DOCK6: variants seen among roughly 807,000 people sequenced by gnomAD.
DOCK6 encodes dedicator of cytokinesis protein 6.
A neutral mutation model predicts 230.3 loss-of-function variants in DOCK6; 167 were observed. The ratio of observed to expected loss-of-function variants is 0.73; its 90% confidence interval spans 0.64 to 0.82. DOCK6 has a LOEUF of 0.82. Ranked by LOEUF, DOCK6 falls within the 40% of genes least tolerant of loss-of-function variation. The probability of loss-of-function intolerance (pLI) is 0.00; values close to 1 mark genes in which losing one functional copy is unlikely to be tolerated. For missense variants in DOCK6, 2,598 were observed against 2,825.8 expected (o/e 0.92, Z 1.83); for synonymous variants, 1,148 against 1,185.0 (o/e 0.97, Z 0.64).
At position 11,233,314 on chromosome 19, in the gene DOCK6, G is replaced by A. The variant is rs2147818464; in HGVS notation, c.2607C>T (p.Arg869=). ...AACGCGCCAGGTAGAGGCTTGCGGG[G>A]CGACCAGAGCCACGGGCCAGTGTGG... is the stretch of plus-strand genomic sequence containing the variant. ...QAATLARGSG[R]PASLYLARSK... is the part of the protein sequence containing the mutation. The change falls in exon 22 of 48, where the codon CGC becomes CGT. Residue 869 remains arginine, a synonymous_variant. Coordinates refer to ENST00000294618, the MANE Select transcript of DOCK6 (RefSeq NM_020812.4). 1 of 1,613,850 alleles carries A rather than the reference G, an allele frequency of 6.2e-7. No individual in the cohort carries two copies. Among genetic ancestry groups the A allele is most frequent in the East Asian group, 2.2e-5 (1 of 44,878 alleles).
rs759468387 is a variant in DOCK6, at chr19:11,216,901, C to G, written c.3894+13G>C. 5 of 1,613,344 alleles carry G rather than the reference C, an allele frequency of 3.1e-6. No individual in the cohort carries two copies. In the East Asian group the frequency reaches 6.7e-5, roughly 22 times the overall value. On this transcript the variant is annotated intron_variant, in intron 30 of 47. Transcript: ENST00000294618. Reference sequence around the variant, plus strand: ...CCTGCCTCCTCCATCATCTCCTGCCCACGCCCTCAAACCTTGTACTCAAAG... The same window carrying G: ...CCTGCCTCCTCCATCATCTCCTGCCGACGCCCTCAAACCTTGTACTCAAAG...
At chr19:11,258,706 T>C (rs1240908609) in intron 1 of DOCK6, among the ~76,000 whole-genome samples, 1 of 151,382 alleles carries the variant, frequency 6.6e-6, no homozygotes, top group African/African-American at 2.4e-5. Flanking sequence ...GTGCTGGGAT[T>C]ACAAGCATGA....
At position 11,223,009 on chromosome 19, in the gene DOCK6, C is replaced by G; in HGVS notation, c.3053G>C (p.Arg1018Pro). The G allele has an allele frequency of 6.2e-7, 1 of 1,613,736 alleles. No individual in the cohort carries two copies. Among genetic ancestry groups the G allele is most frequent in the Non-Finnish European group, 8.5e-7 (1 of 1,179,834 alleles). ...VDRGFVFSLV[R>P]AHYKQVATRL... ...CACTCCTACCTGCTTGTAGTGGGCC[C>G]GGACCAGGCTGAAGACAAAGCCCCG... The change falls in exon 25 of 48, where the codon CGG (arginine) becomes CCG (proline). Residue 1018 changes from arginine to proline, a missense_variant. Coordinates refer to ENST00000294618, the MANE Select transcript of DOCK6 (RefSeq NM_020812.4).
At chr19:11,248,600 T>C (rs568232579) in intron 6 of DOCK6, among the ~76,000 whole-genome samples, 1 of 152,088 alleles carries the variant, frequency 6.6e-6, no homozygotes, top group Non-Finnish European at 1.5e-5. Flanking sequence ...CCCTGAGGCC[T>C]GGGCAGGCAC....
At chr19:11,230,314 G>A (rs2079744182) in intron 22 of DOCK6, among the ~76,000 whole-genome samples, 1 of 152,116 alleles carries the variant, frequency 6.6e-6, no homozygotes, top group African/African-American at 2.4e-5. Context: ...ACTCCAGCCT[G>A]AGTGATAAGA....
intron 5 of DOCK6, 45 bp from the exon 6 acceptor site, chr19:11,251,131 C>T (rs1247745627): frequency 3.1e-5 from 48 of 1,544,204 alleles, no homozygotes; most frequent in Non-Finnish European, 4.1e-5. Flanking sequence ...GCTGTATACA[C>T]CTTCACCTCA....
rs1367183820 is a variant in DOCK6, at chr19:11,202,023, AC to A, written c.5553del (p.Phe1852SerfsTer48). The A allele has an allele frequency of 6.2e-7, 1 of 1,614,052 alleles. No individual in the cohort carries two copies. Among genetic ancestry groups the A allele is most frequent in the South Asian group, 1.1e-5 (1 of 91,086 alleles). On this transcript the variant is annotated frameshift_variant, in exon 44 of 48. Transcript: ENST00000294618. LOFTEE classifies it high-confidence loss of function. This position sits in a 1 kb window ranked among gnomAD's most constrained non-coding sequence, Gnocchi z 5.3. Reference sequence around the variant, plus strand: ...CCATCCGGCGTGAACGGCGTGCAGAACAGGAATGTGCGAAGCCCATAGTTGC... The same window carrying A: ...CCATCCGGCGTGAACGGCGTGCAGAAAGGAATGTGCGAAGCCCATAGTTGC... Reference protein sequence around the residue: ...FDRNYGLRTFLFCTPFTPDGR... With the variant: ...FDRNYGLRTFXFCTPFTPDGR...
At chr19:11,235,877 ATTTTT>A (rs56665433) in intron 20 of DOCK6, 118 bp from the exon 21 acceptor site, 246 of 885,362 alleles carry the variant, frequency 2.8e-4, no homozygotes, top group Middle Eastern at 8.1e-4. Flanking sequence ...GGGGTCACAA[ATTTTT>A]TTTTTTTTTT....
At chr19:11,241,071 C>A (rs1265809142) in intron 14 of DOCK6, among the ~76,000 whole-genome samples, 1 of 151,724 alleles carries the variant, frequency 6.6e-6, no homozygotes, top group African/African-American at 2.4e-5. Context: ...ATGGTGAAAC[C>A]CCGTCTCTAC....
chr19:11,207,822 C>G (rs1568669769), intron 39 of DOCK6, among the ~76,000 whole-genome samples: 3 of 151,852 alleles, frequency 2.0e-5, no homozygotes, highest in Non-Finnish European at 4.4e-5. Context: ...CCCAGCTACT[C>G]AGGAGGCCAG....
At chr19:11,239,796 C>A in intron 14 of DOCK6, 6 of 1,608,654 alleles carry the variant, frequency 3.7e-6, no homozygotes, top group Non-Finnish European at 5.1e-6. Context: ...ACGGTGTGTA[C>A]AGGACCACGG....
chr19:11,206,582 A>G (rs913479375), intron 39 of DOCK6, among the ~76,000 whole-genome samples: 2 of 151,842 alleles, frequency 1.3e-5, no homozygotes, highest in African/African-American at 4.8e-5. Flanking sequence ...AGAAAGAAAG[A>G]AAAAAGAGAC....
chr19:11,253,060 G>T, intron 2 of DOCK6, 102 bp from the exon 3 acceptor site: 1 of 1,186,094 alleles, frequency 8.4e-7, no homozygotes, highest in Non-Finnish European at 1.2e-6. Flanking sequence ...CAAATAGGAG[G>T]GCGGTGGGAG....
chr19:11,238,065 T>A lies in DOCK6; in HGVS notation c.1812A>T (p.Thr604=), dbSNP rs1308353100. The stretch of plus-strand genomic sequence containing the variant: ...CATACTTGTTATGGTAGACCACCGG[T>A]GTGAAGGCCTCGCGGGTAAATTCAC... ...SCSEFTREAF[T]PVVYHNKSPE... The change falls in exon 16 of 48, where the codon ACA becomes ACT. Residue 604 remains threonine (T), a synonymous_variant. Coordinates refer to ENST00000294618, the MANE Select transcript of DOCK6 (RefSeq NM_020812.4). 1.4e-5 allele frequency: 22 copies of A among 1,613,770 alleles called. No homozygotes were observed. Among genetic ancestry groups the A allele is most frequent in the Non-Finnish European group, 1.4e-5 (17 of 1,179,858 alleles).
intron 14 of DOCK6, chr19:11,239,579 G>C (rs776430454): frequency 4.8e-5 from 77 of 1,595,752 alleles, no homozygotes; most frequent in Middle Eastern, 3.3e-4. Context: ...GATCAGTGGG[G>C]GTATGAGGCA....
At chr19:11,256,530 C>T (rs572253908) in intron 1 of DOCK6, among the ~76,000 whole-genome samples, 3 of 152,324 alleles carry the variant, frequency 2.0e-5, no homozygotes, top group East Asian at 1.9e-4. Context: ...GCTCAGGCCA[C>T]TGACCACCTT....
rs372611420 is a variant in DOCK6, at chr19:11,245,875, G to A, written c.810C>T (p.Phe270=). The A allele has an allele frequency of 2.6e-4, 403 of 1,561,102 alleles. 1 individual carries two copies. In the African/African-American group the frequency reaches 4.9e-3, roughly 19 times the overall value. Residue 270 remains phenylalanine, a synonymous_variant, in exon 8 of 48, where the codon TTC becomes TTT. Coordinates refer to ENST00000294618, the MANE Select transcript of DOCK6 (RefSeq NM_020812.4). ...CAAAGATGGGCTCAATTTCAATCTC[G>A]AACCTACAAGTAAATGGGAGGGAGG... is the stretch of plus-strand genomic sequence containing the variant. The part of the protein sequence containing the change: ...RILVKCLSLK[F]EIEIEPIFGI...
intron 2 of DOCK6, 51 bp downstream of exon 2, chr19:11,253,588 C>T: frequency 8.1e-7 from 1 of 1,231,504 alleles, no homozygotes; most frequent in Non-Finnish European, 1.1e-6. Flanking sequence ...AAGCCCCTAC[C>T]TCTGTCTGAG....
rs1188171223 is a variant in DOCK6 at position 11,202,779 on chromosome 19, G to A, written c.5236-70C>T. 1.7e-5 allele frequency: 28 copies of A among 1,603,518 alleles called. No homozygotes were observed. In the Middle Eastern group the frequency reaches 5.0e-4, roughly 28 times the overall value. ...GGAGGTCTCCCTGCCCCAGAGATAG[G>A]TGTCTCGAATATCAGGATGGGAGTG... On this transcript the variant is annotated intron_variant, in intron 41 of 47. Coordinates refer to ENST00000294618, the MANE Select transcript of DOCK6 (RefSeq NM_020812.4). This position sits in a 1 kb window ranked among gnomAD's most constrained non-coding sequence, Gnocchi z 5.3.
Sources: allele counts gnomAD v4.1 joint callset (sites outside exome capture counted in the v4.1 genomes callset), GRCh38; gene constraint gnomAD v4.1.1; non-coding constraint Gnocchi (gnomAD v3.1); transcripts MANE v1.5; gene names NCBI Gene and HGNC (gene_info 2026-07-23, HGNC 2026-07-21).